The following SLC2A5 variants were observed in gnomAD, a reference collection of about 807,000 sequenced individuals.
SLC2A5 encodes solute carrier family 2, facilitated glucose transporter member 5.
Under a neutral mutation model 50.3 loss-of-function variants are expected in SLC2A5, and 56 were observed. The ratio of observed to expected loss-of-function variants is 1.11; its 90% CI spans 0.90 to 1.39. The LOEUF is 1.39. Ranked by LOEUF, SLC2A5 falls within the 40% of genes most tolerant of loss-of-function variation. SLC2A5 has a pLI of 0.00. For synonymous variants in SLC2A5, 269 were observed against 281.9 expected (o/e 0.95, Z 0.46); for missense variants, 566 against 650.1 (o/e 0.87, Z 1.41).
intron 2 of SLC2A5, among the ~76,000 whole-genome samples, chr1:9,076,374 A>G (rs1386575588): frequency 6.6e-6 from 1 of 152,216 alleles, no homozygotes; most frequent in Non-Finnish European, 1.5e-5. Context: ...TGCTGTGCTT[A>G]TCAAGACTGC....
intron 3 of SLC2A5, among the ~76,000 whole-genome samples, chr1:9,048,883 C>T (rs1641502219): frequency 6.6e-6 from 1 of 152,120 alleles, no homozygotes; most frequent in African/African-American, 2.4e-5. Context: ...TCTCGAACTC[C>T]TGGCCTCAAG....
At chr1:9,048,575 A>G (rs138574924) in intron 3 of SLC2A5, among the ~76,000 whole-genome samples, 10 of 152,172 alleles carry the variant, frequency 6.6e-5, no homozygotes, top group Admixed American at 2.6e-4. Flanking sequence ...GATTATCTCA[A>G]TAGAAGCAGC....
At chr1:9,053,171 T>TTATATA in intron 3 of SLC2A5, among the ~76,000 whole-genome samples, 1 of 96,118 alleles carries the variant, frequency 1.0e-5, no homozygotes, top group African/African-American at 4.3e-5. Context: ...TATTTATATA[T>TTATATA]TTTATATATT....
At chr1:9,050,312 GGCACT>G (rs1236337002) in intron 3 of SLC2A5, among the ~76,000 whole-genome samples, 1 of 151,682 alleles carries the variant, frequency 6.6e-6, no homozygotes, top group Non-Finnish European at 1.5e-5. Context: ...AAATTTGCTG[GGCACT>G]ATTGGTGGTG....
chr1:9,041,450 G>A, intron 5 of SLC2A5: 1 of 1,289,812 alleles, frequency 7.8e-7, no homozygotes, highest in Non-Finnish European at 9.8e-7. Flanking sequence ...TCCGCCCCAA[G>A]CACAGAGCCT....
At chr1:9,077,951 A>T (rs1642311897) in intron 2 of SLC2A5, among the ~76,000 whole-genome samples, 3 of 150,908 alleles carry the variant, frequency 2.0e-5, no homozygotes, top group Non-Finnish European at 2.9e-5. Context: ...GTAAAGAAAT[A>T]AAAAAAAGGC....
At chr1:9,046,849 T>C (rs896957097) in intron 4 of SLC2A5, among the ~76,000 whole-genome samples, 2 of 152,140 alleles carry the variant, frequency 1.3e-5, no homozygotes, top group African/African-American at 4.8e-5. Flanking sequence ...CATCTCAAAT[T>C]GTAATCCCCA....
At position 9,057,534 on chromosome 1, in the gene SLC2A5, C is replaced by T; in HGVS notation, c.207G>A (p.Leu69=). The change falls in exon 3 of 12, where the codon TTG becomes TTA. Residue 69 remains leucine (L), a synonymous_variant. Transcript: ENST00000377424. Reference sequence around the variant, plus strand: ...ACATGGACACGGTTACAGACCACAGCAACGTCAAGGGGAAGTCTTCCATGA... The same window carrying T: ...ACATGGACACGGTTACAGACCACAGTAACGTCAAGGGGAAGTCTTCCATGA... ...GEFMEDFPLT[L]LWSVTVSMFP... 6.2e-7 allele frequency: 1 copy of T among 1,613,878 alleles called. No individual in the cohort carries two copies. Among genetic ancestry groups the T allele is most frequent in the South Asian group, 1.1e-5 (1 of 91,066 alleles).
upstream of SLC2A5, among the ~76,000 whole-genome samples, chr1:9,070,137 G>A (rs1421729914): frequency 7.4e-6 from 1 of 134,510 alleles, no homozygotes; most frequent in Non-Finnish European, 1.5e-5. Flanking sequence ...CTGGAGTGCA[G>A]TGGCATGATC....
intron 4 of SLC2A5, among the ~76,000 whole-genome samples, chr1:9,047,380 G>C (rs1641462070): frequency 6.6e-6 from 1 of 152,188 alleles, no homozygotes; most frequent in African/African-American, 2.4e-5. Flanking sequence ...ACACTTCCCA[G>C]GTTAAGATTC....
chr1:9,092,022 G>A (rs542321627), upstream of SLC2A5, among the ~76,000 whole-genome samples: 10 of 152,158 alleles, frequency 6.6e-5, no homozygotes, highest in African/African-American at 2.2e-4. Flanking sequence ...GCTATCTCAC[G>A]GCTCAGGGAA....
chr1:9,064,746 G>A (rs190000874), intron 1 of SLC2A5, among the ~76,000 whole-genome samples: 186 of 152,092 alleles, frequency 1.2e-3, no homozygotes, highest in African/African-American at 3.8e-3. Context: ...ACACCACAGC[G>A]CATACTCTAC....
chr1:9,074,177 C>T (rs563295226), upstream of SLC2A5, among the ~76,000 whole-genome samples: 1 of 151,832 alleles, frequency 6.6e-6, no homozygotes, highest in African/African-American at 2.4e-5. Flanking sequence ...GGTGGTGGAG[C>T]GGAGGGGGGC....
chr1:9,045,870 CAAAAAAAAAAAA>C (rs59265235), intron 4 of SLC2A5, among the ~76,000 whole-genome samples: 2 of 93,032 alleles, frequency 2.1e-5, no homozygotes, highest in Non-Finnish European at 4.2e-5. Context: ...AACTCCATCT[CAAAAAAAAAAAA>C]AAAAAAAAAG....
At chr1:9,039,038 AT>A in intron 8 of SLC2A5, 109 bp from the exon 9 acceptor site, 1 of 1,252,716 alleles carries the variant, frequency 8.0e-7, no homozygotes, top group Non-Finnish European at 1.1e-6. Flanking sequence ...GTGCCCACCC[AT>A]GTGCACGCAC....
chr1:9,051,214 G>A (rs2124370141), intron 3 of SLC2A5, among the ~76,000 whole-genome samples: 2 of 144,616 alleles, frequency 1.4e-5, no homozygotes, highest in Admixed American at 7.0e-5. Context: ...AGGAAGGAGG[G>A]AAAAAAAGAA....
upstream of SLC2A5, among the ~76,000 whole-genome samples, chr1:9,091,993 C>T (rs79943057): frequency 0.035 from 5,350 of 152,210 alleles, 328 homozygotes; most frequent in East Asian, 0.24. Context: ...TTCCAGTGCT[C>T]AAATTTGGAG....
chr1:9,085,400 A>G (rs1431782390), intron 1 of SLC2A5, among the ~76,000 whole-genome samples: 1 of 152,196 alleles, frequency 6.6e-6, no homozygotes, highest in Non-Finnish European at 1.5e-5. Flanking sequence ...GTAAATTTAG[A>G]CACTTTCTGG....
At chr1:9,072,796 CA>C (rs59542603), upstream of SLC2A5, among the ~76,000 whole-genome samples, 2,437 of 124,120 alleles carry the variant, frequency 0.02, 55 homozygotes, top group East Asian at 0.059. Flanking sequence ...CTAAAAATGC[CA>C]AAAAAAAAAA....
Sources: allele counts gnomAD v4.1 joint callset (sites outside exome capture counted in the v4.1 genomes callset), GRCh38; gene constraint gnomAD v4.1.1; transcripts MANE v1.5; gene names NCBI Gene and HGNC (gene_info 2026-07-23, HGNC 2026-07-21).